The following LDB2 variants were observed in gnomAD, a reference collection of about 807,000 sequenced individuals.
LDB2 encodes LIM domain binding 2.
In LDB2, 12 loss-of-function variants were observed where a neutral mutation model predicts 44.3. That is an observed-to-expected ratio of 0.27 (90% CI 0.17 to 0.44). The LOEUF is 0.44. Among genes scored for constraint, LDB2 ranks in the 20% least tolerant of loss-of-function variants. LDB2 has a pLI of 1.00. For missense variants in LDB2, 344 were observed against 473.5 expected (o/e 0.73, Z 2.54); for synonymous variants, 164 against 174.8 (o/e 0.94, Z 0.49).
At chr4:16,719,717 CATTT>C (rs1364327687) in intron 2 of LDB2, among the ~76,000 whole-genome samples, 1 of 152,076 alleles carries the variant, frequency 6.6e-6, no homozygotes, top group African/African-American at 2.4e-5. Context: ...CCAGGTAATG[CATTT>C]ATAAGTGTCT....
At chr4:16,618,463 A>G (rs1369068733) in intron 2 of LDB2, among the ~76,000 whole-genome samples, 2 of 152,152 alleles carry the variant, frequency 1.3e-5, no homozygotes, top group Admixed American at 1.3e-4. Flanking sequence ...GTATATATGT[A>G]TATATGTATG....
At chr4:16,564,207 C>T (rs2152386088) in intron 5 of LDB2, among the ~76,000 whole-genome samples, 1 of 152,126 alleles carries the variant, frequency 6.6e-6, no homozygotes, top group East Asian at 1.9e-4. Flanking sequence ...AAAAAATAAA[C>T]AGGCTGGGCG....
At chr4:16,654,392 G>T (rs1191939393) in intron 2 of LDB2, among the ~76,000 whole-genome samples, 4 of 152,230 alleles carry the variant, frequency 2.6e-5, no homozygotes, top group Non-Finnish European at 5.9e-5. Flanking sequence ...AAAGAGTGTG[G>T]AAGGGCACTG....
At chr4:16,831,174 C>CTTTTTTTTTTTTTTTTTTTTT in intron 1 of LDB2, among the ~76,000 whole-genome samples, 1 of 126,750 alleles carries the variant, frequency 7.9e-6, no homozygotes, top group Non-Finnish European at 1.6e-5. Flanking sequence ...CCTCTCTGAG[C>CTTTTTTTTTTTTTTTTTTTTT]TTTTTTTTTT....
intron 2 of LDB2, among the ~76,000 whole-genome samples, chr4:16,718,182 A>G (rs73132720): frequency 0.024 from 3,664 of 152,124 alleles, 68 homozygotes; most frequent in African/African-American, 0.047. Context: ...TCAGCTTCTA[A>G]TGGGTGCTGG....
intron 5 of LDB2, among the ~76,000 whole-genome samples, chr4:16,556,957 A>G (rs1321935436): frequency 6.6e-6 from 1 of 152,246 alleles, no homozygotes. Context: ...TAGATTTTTA[A>G]ATAGTAAATC....
chr4:16,672,826 G>GCCTTCTTTCTTT (rs1428745291), intron 2 of LDB2, among the ~76,000 whole-genome samples: 3 of 38,642 alleles, frequency 7.8e-5, no homozygotes, highest in African/African-American at 2.5e-4. Flanking sequence ...CTGCCTGCCT[G>GCCTTCTTTCTTT]CCTTCTTTCC....
At chr4:16,851,614 G>A (rs1788280390) in intron 1 of LDB2, among the ~76,000 whole-genome samples, 1 of 150,992 alleles carries the variant, frequency 6.6e-6, no homozygotes, top group Non-Finnish European at 1.5e-5. Flanking sequence ...AAAATAATAA[G>A]AAAAAAAAGA....
chr4:16,532,498 G>T (rs1730482792), intron 5 of LDB2, among the ~76,000 whole-genome samples: 1 of 152,186 alleles, frequency 6.6e-6, no homozygotes, highest in Non-Finnish European at 1.5e-5. Context: ...TTAATAAGCT[G>T]ACAAACTTCA....
intron 1 of LDB2, among the ~76,000 whole-genome samples, chr4:16,836,368 G>A (rs1161294895): frequency 6.6e-6 from 1 of 152,192 alleles, no homozygotes; most frequent in East Asian, 1.9e-4. Context: ...TTCTGAGGAT[G>A]GCTGGATTTG....
chr4:16,770,975 C>T (rs190344538), intron 1 of LDB2, among the ~76,000 whole-genome samples: 2 of 152,070 alleles, frequency 1.3e-5, no homozygotes, highest in Non-Finnish European at 2.9e-5. Flanking sequence ...GGCAGCAAGT[C>T]GTATATCTTG....
chr4:16,639,920 G>T (rs1485437167), intron 2 of LDB2, among the ~76,000 whole-genome samples: 1 of 152,248 alleles, frequency 6.6e-6, no homozygotes, highest in East Asian at 1.9e-4. Context: ...CAAAACACCT[G>T]CAGGAGATAA....
intron 2 of LDB2, among the ~76,000 whole-genome samples, chr4:16,668,802 G>T (rs1220851829): frequency 6.6e-6 from 1 of 152,204 alleles, no homozygotes; most frequent in Non-Finnish European, 1.5e-5. Flanking sequence ...TTACAGCTCT[G>T]TCTTCTTTGT....
chr4:16,759,633 AT>A (rs1191681259), intron 1 of LDB2, among the ~76,000 whole-genome samples: 1 of 152,108 alleles, frequency 6.6e-6, no homozygotes, highest in African/African-American at 2.4e-5. Context: ...TTAAGAGTTC[AT>A]TTTTATAAAT....
At chr4:16,848,128 C>T (rs1235471376) in intron 1 of LDB2, among the ~76,000 whole-genome samples, 6 of 152,124 alleles carry the variant, frequency 3.9e-5, no homozygotes, top group Admixed American at 3.9e-4. Context: ...GTTTTTCTTA[C>T]ACTCTACAGT....
intron 5 of LDB2, among the ~76,000 whole-genome samples, chr4:16,549,692 C>T (rs1736961868): frequency 6.6e-6 from 1 of 152,166 alleles, no homozygotes. Flanking sequence ...AACCCAAGTA[C>T]TCTCAGTGTA....
intron 1 of LDB2, among the ~76,000 whole-genome samples, chr4:16,830,234 T>C (rs942239700): frequency 6.6e-6 from 1 of 152,144 alleles, no homozygotes; most frequent in Non-Finnish European, 1.5e-5. Context: ...AGAGACCTGG[T>C]GGGAGGTGAT....
intron 1 of LDB2, among the ~76,000 whole-genome samples, chr4:16,869,798 T>G (rs184989020): frequency 3.0e-4 from 46 of 152,330 alleles, no homozygotes; most frequent in African/African-American, 9.4e-4. Context: ...CTTTACCCAG[T>G]GATATTTTTG....
chr4:16,773,090 C>G (rs1223700233), intron 1 of LDB2, among the ~76,000 whole-genome samples: 1 of 152,124 alleles, frequency 6.6e-6, no homozygotes, highest in Admixed American at 6.5e-5. Context: ...CTCACATAAC[C>G]AAACGTAAGT....
Sources: gnomAD v4.1 joint callset for allele counts (sites outside exome capture counted in the v4.1 genomes callset) on GRCh38, gnomAD v4.1.1 for gene constraint, MANE v1.5 for transcripts, NCBI Gene and HGNC (gene_info 2026-07-23, HGNC 2026-07-21) for gene names.